ADAMTS9: variants seen among roughly 807,000 people sequenced by gnomAD.
ADAMTS9 encodes ADAM metallopeptidase with thrombospondin type 1 motif 9.
Under a neutral mutation model 257.1 loss-of-function variants are expected in ADAMTS9, and 107 were observed. The observed-to-expected ratio is 0.42, with a 90% CI of 0.36 to 0.49. ADAMTS9 has a LOEUF of 0.49. Ranked by LOEUF, ADAMTS9 falls within the 20% of genes least tolerant of loss-of-function variation. The probability of loss-of-function intolerance (pLI) is 0.03; values close to 1 mark genes in which losing one functional copy is unlikely to be tolerated. For synonymous variants in ADAMTS9, 982 were observed against 880.9 expected (o/e 1.11, Z -2.03); for missense variants, 2,353 against 2,469.1 (o/e 0.95, Z 1.00).
At chr3:64,570,351 T>C (rs2083649267) in intron 28 of ADAMTS9, among the ~76,000 whole-genome samples, 1 of 152,082 alleles carries the variant, frequency 6.6e-6, no homozygotes, top group Non-Finnish European at 1.5e-5. Flanking sequence ...GCTGGAATGG[T>C]TGGAAGAGGG....
At chr3:64,579,589 C>G (rs892746118) in intron 28 of ADAMTS9, among the ~76,000 whole-genome samples, 2 of 151,840 alleles carry the variant, frequency 1.3e-5, no homozygotes, top group Non-Finnish European at 2.9e-5. Context: ...TTTTTTTTCA[C>G]TCCTATATCC....
intron 14 of ADAMTS9, 128 bp downstream of exon 14, chr3:64,633,341 GGCC>G: frequency 3.0e-6 from 4 of 1,354,116 alleles, no homozygotes; most frequent in Non-Finnish European, 4.0e-6. Context: ...CTGATCCCGG[GGCC>G]ACACTTTGAG....
chr3:64,566,644 C>G (rs991852226), intron 29 of ADAMTS9, among the ~76,000 whole-genome samples: 1 of 152,048 alleles, frequency 6.6e-6, no homozygotes, highest in South Asian at 2.1e-4. Context: ...GCAAAAGATT[C>G]TTTTAATTAT....
rs761991665 is a variant in ADAMTS9, at chr3:64,568,505, G to T, written c.4387C>A (p.Gln1463Lys). 6.2e-7 allele frequency: 1 copy of T among 1,614,024 alleles called. No individual in the cohort carries two copies. Among genetic ancestry groups the T allele is most frequent in the Non-Finnish European group, 8.5e-7 (1 of 1,179,956 alleles). The change falls in exon 29 of 40, where the codon CAA becomes AAA. Residue 1463 changes from glutamine to lysine, a missense_variant. Around this residue, in one of 3 missense-constraint regions of ADAMTS9, gnomAD observed 1,402 missense variants for 1,441.4 expected, o/e 0.97. Coordinates refer to ENST00000498707, the MANE Select transcript of ADAMTS9 (RefSeq NM_182920.2). ...TTTGCCATGCAGTAAACATTTCGTT[G>T]TTTATGCCCTCGACCACAAGAGACA... ...CSVSCGRGHK[Q>K]RNVYCMAKDG...
At chr3:64,606,161 A>G (rs1162163882) in intron 23 of ADAMTS9, among the ~76,000 whole-genome samples, 2 of 152,238 alleles carry the variant, frequency 1.3e-5, no homozygotes, top group Non-Finnish European at 2.9e-5. Flanking sequence ...TATTAGAAGA[A>G]TATTTCCACA....
intron 8 of ADAMTS9, among the ~76,000 whole-genome samples, chr3:64,653,432 G>C (rs1417336204): frequency 6.6e-6 from 1 of 152,080 alleles, no homozygotes; most frequent in Middle Eastern, 3.2e-3. Context: ...ATGTTTGAAA[G>C]GTACTAGTTT....
chr3:64,556,302 TTGAC>T (rs2083332265), intron 30 of ADAMTS9, among the ~76,000 whole-genome samples: 1 of 152,170 alleles, frequency 6.6e-6, no homozygotes, highest in Non-Finnish European at 1.5e-5. Context: ...AAAACAGAGT[TTGAC>T]TGTGCTTTTA....
intron 39 of ADAMTS9, among the ~76,000 whole-genome samples, chr3:64,518,055 G>A (rs1267318783): frequency 6.6e-6 from 1 of 152,210 alleles, no homozygotes; most frequent in African/African-American, 2.4e-5. Context: ...GGAGATGAGT[G>A]TTTACTTGAA....
chr3:64,663,361 T>C (rs1372042188), intron 3 of ADAMTS9, among the ~76,000 whole-genome samples: 2 of 152,022 alleles, frequency 1.3e-5, no homozygotes, highest in African/African-American at 4.8e-5. Flanking sequence ...CATGATTTTA[T>C]TTATTGGATT....
intron 39 of ADAMTS9, among the ~76,000 whole-genome samples, chr3:64,519,629 C>T (rs74675426): frequency 0.01 from 1,535 of 152,220 alleles, 54 homozygotes; most frequent in East Asian, 0.067. Flanking sequence ...TCTTGGCAGG[C>T]AAGGATCATT....
chr3:64,576,221 A>G (rs1166971623), intron 28 of ADAMTS9, among the ~76,000 whole-genome samples: 1 of 152,176 alleles, frequency 6.6e-6, no homozygotes, highest in Non-Finnish European at 1.5e-5. Flanking sequence ...TTCCCTGCTT[A>G]CACTTAGGTT....
chr3:64,571,282 T>C (rs1284342339), intron 28 of ADAMTS9, among the ~76,000 whole-genome samples: 5 of 152,274 alleles, frequency 3.3e-5, no homozygotes, highest in African/African-American at 9.6e-5. Context: ...AACTCAGTAA[T>C]AGAGATAGGT....
chr3:64,610,326 A>T (rs2084640764), intron 22 of ADAMTS9, among the ~76,000 whole-genome samples: 1 of 152,186 alleles, frequency 6.6e-6, no homozygotes. Flanking sequence ...AACACAGGGG[A>T]TGGGGGAAAT....
At chr3:64,530,576 C>T (rs548211937) in intron 38 of ADAMTS9, among the ~76,000 whole-genome samples, 268 of 151,618 alleles carry the variant, frequency 1.8e-3, no homozygotes, top group Non-Finnish European at 2.9e-3. Flanking sequence ...TCATACCCAG[C>T]TCCCTCCAGC....
rs139726633 is a variant in ADAMTS9 at position 64,606,007 on chromosome 3, C to T, written c.3474+953G>A. ...CCTATGTTTGTAATTGCCAAATGAG[C>T]GTAGTTCAGGCATGAATGTTAGTTG... On this transcript the variant is annotated intron_variant, in intron 23 of 39. Coordinates refer to ENST00000498707, the MANE Select transcript of ADAMTS9 (RefSeq NM_182920.2). Among the ~76,000 whole-genome samples the T allele has an allele frequency of 4.7e-4, 72 of 152,188 alleles. 1 individual carries two copies. The highest frequency in any genetic ancestry group is 1.6e-3 in the African/African-American group (67 of 41,502).
chr3:64,516,513 G>C lies in ADAMTS9; in HGVS notation c.*614C>G, dbSNP rs67920064. ...TTAAAAGTGTTTATATTTCTGAGTC[G>C]GATGATCATTTAAATACATACAATA... is the stretch of plus-strand genomic sequence containing the variant. On this transcript the variant is annotated 3_prime_UTR_variant, in exon 40 of 40. Transcript: ENST00000498707. 2.0e-4 allele frequency: 30 copies of C among 152,354 alleles called. No individual in the cohort carries two copies. Among genetic ancestry groups the C allele is most frequent in the African/African-American group, 6.3e-4 (26 of 41,422 alleles). The allele number at this position is 152,354 out of a possible 1,614,324, so 9.4% of individuals were successfully genotyped here.
At chr3:64,526,887 A>T (rs114688510) in intron 38 of ADAMTS9, among the ~76,000 whole-genome samples, 2,602 of 152,320 alleles carry the variant, frequency 0.017, 68 homozygotes, top group East Asian at 0.078. Flanking sequence ...AGGTATTTTT[A>T]ATGTGTAAAT....
intron 30 of ADAMTS9, 94 bp downstream of exon 30, chr3:64,561,484 G>C: frequency 7.2e-7 from 1 of 1,393,186 alleles, no homozygotes; most frequent in Non-Finnish European, 9.7e-7. Flanking sequence ...ACCGTGCTCG[G>C]TGACTTCTCT....
chr3:64,668,095 C>T (rs1375704627), intron 3 of ADAMTS9, among the ~76,000 whole-genome samples: 1 of 152,190 alleles, frequency 6.6e-6, no homozygotes, highest in African/African-American at 2.4e-5. Context: ...CAACTGCCCA[C>T]AGACACCCTG....
Sources: allele counts gnomAD v4.1 joint callset (sites outside exome capture counted in the v4.1 genomes callset), GRCh38; gene constraint gnomAD v4.1.1; regional missense constraint gnomAD v4.1.1; transcripts MANE v1.5; gene names NCBI Gene and HGNC (gene_info 2026-07-23, HGNC 2026-07-21).